Variants in TTC28 observed in about 807,000 individuals in gnomAD.
TTC28 encodes the protein tetratricopeptide repeat protein 28.
In TTC28, 61 loss-of-function variants were observed where a neutral mutation model predicts 198.0. The ratio of observed to expected loss-of-function variants is 0.31; its 90% CI spans 0.25 to 0.38. The LOEUF (loss-of-function observed/expected upper bound fraction) is 0.38, where lower values mean the gene tolerates loss of function less well. TTC28 is among the 10% of genes least tolerant of loss of function. The probability of loss-of-function intolerance (pLI) is 1.00; values close to 1 mark genes in which losing one functional copy is unlikely to be tolerated. For missense variants in TTC28, 2,678 were observed against 3,164.0 expected (o/e 0.85, Z 3.69); for synonymous variants, 1,171 against 1,297.8 (o/e 0.90, Z 2.10).
chr22:28,356,123 T>G (rs2046073965), intron 2 of TTC28, among the ~76,000 whole-genome samples: 2 of 152,226 alleles, frequency 1.3e-5, no homozygotes, highest in African/African-American at 4.8e-5. Flanking sequence ...CTTCATCATA[T>G]TAACACATAA....
At chr22:28,201,334 C>T (rs539528920) in intron 5 of TTC28, among the ~76,000 whole-genome samples, 7 of 152,148 alleles carry the variant, frequency 4.6e-5, no homozygotes, top group African/African-American at 1.2e-4. Flanking sequence ...ACTTCAAACA[C>T]GAAATTATAA....
intron 12 of TTC28, among the ~76,000 whole-genome samples, chr22:28,066,302 GTGGT>G (rs975177553): frequency 1.3e-5 from 2 of 150,584 alleles, no homozygotes; most frequent in Non-Finnish European, 3.0e-5. Context: ...GTGTGTGTGT[GTGGT>G]GTGTGTGTGT....
intron 2 of TTC28, among the ~76,000 whole-genome samples, chr22:28,609,905 C>A (rs2050791252): frequency 6.6e-6 from 1 of 152,142 alleles, no homozygotes; most frequent in African/African-American, 2.4e-5. Flanking sequence ...GGTGGGGAGA[C>A]AGGTGTCCAC....
intron 5 of TTC28, among the ~76,000 whole-genome samples, chr22:28,268,956 A>G (rs16986238): frequency 0.017 from 2,544 of 152,278 alleles, 92 homozygotes; most frequent in African/African-American, 0.059. Flanking sequence ...TGCACTCACA[A>G]TCATAAAGAA....
At chr22:28,635,198 G>C (rs904560572) in intron 1 of TTC28, among the ~76,000 whole-genome samples, 42 of 152,070 alleles carry the variant, frequency 2.8e-4, no homozygotes, top group African/African-American at 9.9e-4. Flanking sequence ...GCGGGCACCT[G>C]TAGTCCCAGC....
intron 2 of TTC28, among the ~76,000 whole-genome samples, chr22:28,591,078 TATATATAG>T (rs1569045164): frequency 2.1e-4 from 24 of 113,688 alleles, no homozygotes; most frequent in Non-Finnish European, 3.7e-4. Context: ...TATATATATA[TATATATAG>T]GAATTGTGAC....
chr22:28,593,827 C>G (rs2050485123), intron 2 of TTC28, among the ~76,000 whole-genome samples: 1 of 151,974 alleles, frequency 6.6e-6, no homozygotes, highest in South Asian at 2.1e-4. Context: ...ATTTTTCTAT[C>G]CATGGCCATT....
intron 14 of TTC28, chr22:28,002,630 AAATTT>A: frequency 6.6e-6 from 1 of 152,322 alleles, no homozygotes. Flanking sequence ...CCTTTAAAAA[AAATTT>A]CTAGCTCCAT....
At chr22:28,190,736 C>T (rs999411749) in intron 5 of TTC28, among the ~76,000 whole-genome samples, 2 of 152,196 alleles carry the variant, frequency 1.3e-5, no homozygotes, top group Non-Finnish European at 2.9e-5. Flanking sequence ...ATTATGTATG[C>T]ATTTTCAAGT....
intron 2 of TTC28, among the ~76,000 whole-genome samples, chr22:28,317,368 T>A (rs1431986330): frequency 6.6e-6 from 1 of 152,220 alleles, no homozygotes; most frequent in Non-Finnish European, 1.5e-5. Flanking sequence ...AATCTTTATA[T>A]CCTGTTTATA....
chr22:28,138,069 G>A (rs1197411287), intron 6 of TTC28, among the ~76,000 whole-genome samples: 1 of 152,060 alleles, frequency 6.6e-6, no homozygotes, highest in Non-Finnish European at 1.5e-5. Flanking sequence ...CACATTCAAG[G>A]GAAGGAGAAT....
intron 8 of TTC28, among the ~76,000 whole-genome samples, chr22:28,101,753 C>T (rs1942158933): frequency 7.8e-6 from 1 of 128,532 alleles, no homozygotes; most frequent in Admixed American, 9.7e-5. Flanking sequence ...AGAATCTAGC[C>T]TGGGCAACTT....
chr22:28,032,187 TA>T (rs1194674499), intron 12 of TTC28, among the ~76,000 whole-genome samples: 1 of 72,888 alleles, frequency 1.4e-5, no homozygotes, highest in Non-Finnish European at 2.4e-5. Context: ...TATATATATA[TA>T]AAATATATAT....
intron 2 of TTC28, among the ~76,000 whole-genome samples, chr22:28,613,936 C>T (rs1650528142): frequency 6.6e-6 from 1 of 152,172 alleles, no homozygotes. Flanking sequence ...ATTGGAAGTT[C>T]TGGCCAGAGA....
Position 28,458,896 on chromosome 22 carries a change from A to T in TTC28, c.382-152253T>A, listed in dbSNP as rs913792694. 1.3e-3 allele frequency among the ~76,000 whole-genome samples: 204 copies of T among 151,258 alleles called. 1 individual carries two copies. The highest frequency in any genetic ancestry group is 3.0e-3 in the African/African-American group (123 of 41,186). Reference sequence around the variant, plus strand: ...ACTCCATCTCAAAAAAAAAAAAAAAATTTACCAAAATAATAATACCAATAT... The same window carrying T: ...ACTCCATCTCAAAAAAAAAAAAAAATTTTACCAAAATAATAATACCAATAT... On this transcript the variant is annotated intron_variant, in intron 2 of 22. Coordinates refer to ENST00000397906, the MANE Select transcript of TTC28 (RefSeq NM_001145418.2).
Position 28,384,616 on chromosome 22 carries a change from G to A in TTC28, c.382-77973C>T, listed in dbSNP as rs78683133. Among the ~76,000 whole-genome samples the A allele has an allele frequency of 6.8e-3, 1,032 of 152,244 alleles. 6 individuals carry two copies. Among genetic ancestry groups the A allele is most frequent in the Non-Finnish European group, 0.012 (791 of 68,002 alleles). ...GTGGTGATGAAACGAAGGTATTCTCGCAGTTAACTGGGTATCTTCAATGCT... is the reference window on the plus strand; with the variant it reads ...GTGGTGATGAAACGAAGGTATTCTCACAGTTAACTGGGTATCTTCAATGCT... On this transcript the variant is annotated intron_variant, in intron 2 of 22. Transcript: ENST00000397906.
chr22:28,355,518 C>G (rs2046063172), intron 2 of TTC28, among the ~76,000 whole-genome samples: 1 of 152,176 alleles, frequency 6.6e-6, no homozygotes, highest in Non-Finnish European at 1.5e-5. Context: ...TTTTACATAT[C>G]TAATTTAATC....
At chr22:28,455,596 C>T (rs1418195519) in intron 2 of TTC28, among the ~76,000 whole-genome samples, 2 of 152,042 alleles carry the variant, frequency 1.3e-5, no homozygotes, top group African/African-American at 4.8e-5. Context: ...TGTCTGTAAT[C>T]CTAGCTACTT....
At chr22:28,075,304 C>A (rs1941131806) in intron 12 of TTC28, among the ~76,000 whole-genome samples, 1 of 152,106 alleles carries the variant, frequency 6.6e-6, no homozygotes. Flanking sequence ...GAATCAGGGG[C>A]ACAAGACGAG....
Sources: gnomAD v4.1 joint callset for allele counts (sites outside exome capture counted in the v4.1 genomes callset) on GRCh38, gnomAD v4.1.1 for gene constraint, MANE v1.5 for transcripts, NCBI Gene and HGNC (gene_info 2026-07-23, HGNC 2026-07-21) for gene names.